Variants in RBFOX1 observed in about 807,000 individuals in gnomAD.
The protein encoded by RBFOX1 is RNA binding protein fox-1 homolog 1.
Under a neutral mutation model 57.7 loss-of-function variants are expected in RBFOX1, and 8 were observed. That is an observed-to-expected ratio of 0.14 (90% CI 0.08 to 0.25). The LOEUF is 0.25. Among genes scored for constraint, RBFOX1 ranks in the 10% least tolerant of loss-of-function variants. The pLI, the probability that RBFOX1 is intolerant of heterozygous loss-of-function variation, is 1.00. For synonymous variants in RBFOX1, 326 were observed against 222.4 expected, an observed-to-expected ratio of 1.47 and a Z score of -4.15; for missense variants, 611 against 548.5, an observed-to-expected ratio of 1.11 and a Z score of -1.14.
intron 2 of RBFOX1, among the ~76,000 whole-genome samples, chr16:6,499,888 G>A (rs17442167): frequency 6.6e-6 from 1 of 151,894 alleles, no homozygotes; most frequent in Non-Finnish European, 1.5e-5. Flanking sequence ...CAAAGGAGTC[G>A]GGTAAAAGGA....
chr16:6,377,626 C>G (rs1238835474), intron 2 of RBFOX1, among the ~76,000 whole-genome samples: 1 of 152,158 alleles, frequency 6.6e-6, no homozygotes, highest in Non-Finnish European at 1.5e-5. Flanking sequence ...AAAAATCCTC[C>G]AAGCGCCTCA....
At chr16:7,520,279 A>G (rs536544607) in intron 5 of RBFOX1, among the ~76,000 whole-genome samples, 18 of 152,208 alleles carry the variant, frequency 1.2e-4, no homozygotes, top group Non-Finnish European at 1.5e-4. Flanking sequence ...TACATATAAC[A>G]TAAAACTTAA....
intron 1 of RBFOX1, among the ~76,000 whole-genome samples, chr16:6,191,506 A>G (rs1454494152): frequency 6.6e-6 from 1 of 152,102 alleles, no homozygotes; most frequent in African/African-American, 2.4e-5. Context: ...CCACTTTACA[A>G]CTGCCGTGTA....
intron 1 of RBFOX1, among the ~76,000 whole-genome samples, chr16:6,265,401 A>G (rs1253681698): frequency 6.6e-6 from 1 of 151,930 alleles, no homozygotes; most frequent in Non-Finnish European, 1.5e-5. Context: ...AGCTGGGATT[A>G]CAGGTGAGCA....
intron 3 of RBFOX1, among the ~76,000 whole-genome samples, chr16:6,768,739 TC>T (rs1208210321): frequency 6.8e-6 from 1 of 147,096 alleles, no homozygotes; most frequent in Non-Finnish European, 1.5e-5. Flanking sequence ...ATATTATTTT[TC>T]TTTTTTTTTT....
chr16:7,258,576 C>T (rs1034417396), intron 4 of RBFOX1, among the ~76,000 whole-genome samples: 15 of 152,094 alleles, frequency 9.9e-5, no homozygotes, highest in Non-Finnish European at 2.2e-4. Context: ...GTAATTTACT[C>T]ATAAGTATGA....
chr16:7,331,447 A>C (rs1184310914), intron 4 of RBFOX1, among the ~76,000 whole-genome samples: 1 of 152,182 alleles, frequency 6.6e-6, no homozygotes. Context: ...GTGGAACTAC[A>C]CACACCCACA....
At chr16:6,166,812 TG>T (rs1209081643) in intron 1 of RBFOX1, among the ~76,000 whole-genome samples, 2 of 152,116 alleles carry the variant, frequency 1.3e-5, no homozygotes, top group Non-Finnish European at 2.9e-5. Flanking sequence ...CTCACTCTGT[TG>T]CCCAGGATGG....
At chr16:7,705,062 A>G (rs1598552553) in intron 14 of RBFOX1, among the ~76,000 whole-genome samples, 1 of 151,862 alleles carries the variant, frequency 6.6e-6, no homozygotes, top group Non-Finnish European at 1.5e-5. Flanking sequence ...AAAAAAAAAA[A>G]AAGGCAGAGA....
chr16:7,379,973 C>G (rs544142936), intron 4 of RBFOX1, among the ~76,000 whole-genome samples: 3 of 152,274 alleles, frequency 2.0e-5, no homozygotes, highest in African/African-American at 7.2e-5. Flanking sequence ...CCTCCTGCCT[C>G]CTTCTCCAAA....
At chr16:7,654,615 G>A (rs2065874802) in intron 12 of RBFOX1, among the ~76,000 whole-genome samples, 1 of 151,920 alleles carries the variant, frequency 6.6e-6, no homozygotes, top group Non-Finnish European at 1.5e-5. Context: ...CGAATGTCAA[G>A]GAATGGTGTG....
At chr16:6,118,841 C>G (rs4786820) in intron 1 of RBFOX1, among the ~76,000 whole-genome samples, 2 of 150,916 alleles carry the variant, frequency 1.3e-5, no homozygotes, top group Admixed American at 1.3e-4. Flanking sequence ...TCTCTCTTTC[C>G]CCATCTTCTT....
intron 4 of RBFOX1, among the ~76,000 whole-genome samples, chr16:7,269,894 C>T (rs913872871): frequency 3.3e-5 from 5 of 152,108 alleles, no homozygotes; most frequent in East Asian, 1.9e-4. Context: ...ATTAGCATAC[C>T]GTTTAATCTA....
chr16:7,581,550 C>T (rs2093763162), intron 6 of RBFOX1, among the ~76,000 whole-genome samples: 1 of 152,164 alleles, frequency 6.6e-6, no homozygotes, highest in African/African-American at 2.4e-5. Context: ...AAAGTTACTG[C>T]AGGCTACAAT....
Position 6,012,061 on chromosome 16 carries a change from G to A in RBFOX1, c.351+144726G>A, listed in dbSNP as rs549435286. Among the ~76,000 whole-genome samples the A allele has an allele frequency of 3.9e-5, 6 of 152,230 alleles. No homozygotes were observed. The East Asian group carries it at 5.8e-4, about 15-fold the overall frequency. ...CTGTTACCCTGTGCCAGGCACAACG[G>A]TGAGAAATTTCTCGTGGATTCTGTC... On this transcript the variant is annotated intron_variant, in intron 4 of 19. Transcript: ENST00000641259.
At chr16:5,975,212 G>A (rs1243191178) in intron 4 of RBFOX1, among the ~76,000 whole-genome samples, 1 of 152,066 alleles carries the variant, frequency 6.6e-6, no homozygotes, top group Non-Finnish European at 1.5e-5. Context: ...ATGCCGGCTT[G>A]GGATGGCCCT....
chr16:6,826,629 T>G (rs894338052), intron 3 of RBFOX1, among the ~76,000 whole-genome samples: 1 of 152,072 alleles, frequency 6.6e-6, no homozygotes, highest in African/African-American at 2.4e-5. Context: ...TTTCCTTTCT[T>G]TTTTTTAAAA....
chr16:6,473,762 G>A (rs1437195431), intron 2 of RBFOX1, among the ~76,000 whole-genome samples: 1 of 152,146 alleles, frequency 6.6e-6, no homozygotes, highest in African/African-American at 2.4e-5. Context: ...CTTCAGATAT[G>A]GCCTGGCTAG....
At chr16:7,698,270 A>C (rs376457858) in intron 14 of RBFOX1, among the ~76,000 whole-genome samples, 1 of 151,918 alleles carries the variant, frequency 6.6e-6, no homozygotes, top group African/African-American at 2.4e-5. Context: ...TGCCCCTTCC[A>C]CCATGCCAGG....
Sources: gnomAD v4.1 joint callset for allele counts (sites outside exome capture counted in the v4.1 genomes callset) on GRCh38, gnomAD v4.1.1 for gene constraint, MANE v1.5 for transcripts, NCBI Gene and HGNC (gene_info 2026-07-23, HGNC 2026-07-21) for gene names.